The following PLAC1 variants were observed in gnomAD, a reference collection of about 807,000 sequenced individuals.
PLAC1 encodes the protein placenta-specific protein 1.
For missense variants in PLAC1, 136 were observed against 163.2 expected, an observed-to-expected ratio of 0.83 and a Z score of 0.91; for synonymous variants, 68 against 62.1, an observed-to-expected ratio of 1.09 and a Z score of -0.44.
At chrX:134,587,245 G>C (rs992825713) in intron 2 of PLAC1, among the ~76,000 whole-genome samples, 1 of 110,207 alleles carries the variant, frequency 9.1e-6, no homozygotes, top group African/African-American at 3.3e-5. Flanking sequence ...ACAGAAGTCA[G>C]ACATTTCCTT....
intron 2 of PLAC1, among the ~76,000 whole-genome samples, chrX:134,719,956 C>T (rs2078653076): frequency 8.9e-6 from 1 of 111,808 alleles, no homozygotes; most frequent in South Asian, 3.8e-4. Flanking sequence ...AGAATGTCCA[C>T]TCTTACCACT....
intron 1 of PLAC1, among the ~76,000 whole-genome samples, chrX:134,754,263 G>T (rs1385815095): frequency 8.9e-6 from 1 of 111,844 alleles, no homozygotes; most frequent in Non-Finnish European, 1.9e-5. Context: ...GCAGAATATT[G>T]TTTTATTGTA....
At chrX:134,580,839 A>G (rs1253723403) in intron 2 of PLAC1, among the ~76,000 whole-genome samples, 1 of 111,648 alleles carries the variant, frequency 9.0e-6, no homozygotes, top group Non-Finnish European at 1.9e-5. Context: ...CCAGAACACA[A>G]TGAACCTCGA....
chrX:134,652,921 G>A (rs895383917), intron 1 of PLAC1, among the ~76,000 whole-genome samples: 9 of 112,124 alleles, frequency 8.0e-5, no homozygotes, highest in African/African-American at 2.9e-4. Context: ...GAGGTCCGCG[G>A]CTGCTCTCTG....
intron 2 of PLAC1, among the ~76,000 whole-genome samples, chrX:134,580,000 C>T (rs1202896593): frequency 1.8e-5 from 2 of 112,155 alleles, no homozygotes; most frequent in East Asian, 2.8e-4. Flanking sequence ...TAATTTCCCA[C>T]GTGGCTACCT....
intron 2 of PLAC1, among the ~76,000 whole-genome samples, chrX:134,686,655 T>C (rs1245134436): frequency 2.7e-5 from 3 of 111,859 alleles, no homozygotes; most frequent in African/African-American, 9.7e-5. Flanking sequence ...CTTCAACCTC[T>C]TGTGAATCAT....
At position 134,677,620 on chromosome X, in the gene PLAC1, TAGTG is replaced by T. The variant is rs1190769151; in HGVS notation, n.174+55811_174+55814del. On this transcript the variant is annotated intron_variant and non_coding_transcript_variant, in intron 2 of 2. Coordinates refer to the PLAC1 transcript ENST00000466797. ...AAAGAAGGCCAGAGTGGCTGGAACG[TAGTG>T]AGTAAGGAGAGTGGTAGGGAATGGG... Among the ~76,000 whole-genome samples the T allele has an allele frequency of 7.2e-5, 8 of 110,607 alleles. No homozygotes were observed. In the South Asian group the frequency reaches 3.2e-3, roughly 44 times the overall value.
intron 2 of PLAC1, among the ~76,000 whole-genome samples, chrX:134,588,861 T>C (rs1352740756): frequency 1.8e-5 from 2 of 111,461 alleles, no homozygotes; most frequent in African/African-American, 6.5e-5. Context: ...AGGAGAGCAC[T>C]GGATACTGAA....
chrX:134,586,670 CTTT>C (rs765675891), intron 2 of PLAC1, among the ~76,000 whole-genome samples: 1 of 91,077 alleles, frequency 1.1e-5, no homozygotes, highest in Non-Finnish European at 2.2e-5. Flanking sequence ...TTTTTCTTTT[CTTT>C]TTTTTTTTTT....
chrX:134,603,995 CAGATTCACTAAA>C, intron 1 of PLAC1, among the ~76,000 whole-genome samples: 1 of 112,702 alleles, frequency 8.9e-6, no homozygotes, highest in South Asian at 3.6e-4. Flanking sequence ...AACCAAGACA[CAGATTCACTAAA>C]AGATTCACTT....
intron 1 of PLAC1, among the ~76,000 whole-genome samples, chrX:134,609,723 T>C (rs1240497661): frequency 9.0e-6 from 1 of 111,513 alleles, no homozygotes; most frequent in Non-Finnish European, 1.9e-5. Flanking sequence ...CACGTGGCCT[T>C]TCCTTGGTGC....
chrX:134,697,792 G>A lies in PLAC1; in HGVS notation n.174+35643C>T, dbSNP rs1045622125. The stretch of plus-strand genomic sequence containing the variant: ...CTGAGACAGGAGAATTGCTTGAACC[G>A]GGGCAGCAGAGGTTGCAGTGAGCAG... On this transcript the variant is annotated intron_variant and non_coding_transcript_variant, in intron 2 of 2. Transcript: ENST00000466797. 7.2e-5 allele frequency among the ~76,000 whole-genome samples: 8 copies of A among 111,592 alleles called. No homozygotes were observed. The East Asian group carries it at 8.5e-4, about 12-fold the overall frequency.
chrX:134,666,639 G>A (rs1344133837), intron 2 of PLAC1, among the ~76,000 whole-genome samples: 1 of 111,794 alleles, frequency 8.9e-6, no homozygotes, highest in Non-Finnish European at 1.9e-5. Context: ...TCCAGAGAAA[G>A]GAAGGTTGGT....
At chrX:134,715,286 G>T (rs1302856544) in intron 2 of PLAC1, among the ~76,000 whole-genome samples, 1 of 111,311 alleles carries the variant, frequency 9.0e-6, no homozygotes, top group Admixed American at 9.6e-5. Flanking sequence ...CCACTCTAGT[G>T]CCTACCCAAA....
intron 2 of PLAC1, 32 bp from the exon 3 acceptor site, chrX:134,566,772 A>C (rs1276121645): frequency 1.1e-5 from 8 of 722,237 alleles, no homozygotes; most frequent in Non-Finnish European, 1.6e-5. Flanking sequence ...GAGGCAAGTC[A>C]TCTTATTTTC....
intron 2 of PLAC1, among the ~76,000 whole-genome samples, chrX:134,731,896 C>T (rs980141979): frequency 8.9e-6 from 1 of 111,848 alleles, no homozygotes; most frequent in South Asian, 3.7e-4. Context: ...TGGCAAACAC[C>T]TGTAGTTCCA....
intron 1 of PLAC1, among the ~76,000 whole-genome samples, chrX:134,741,290 G>C (rs2078716348): frequency 8.9e-6 from 1 of 111,956 alleles, no homozygotes; most frequent in African/African-American, 3.2e-5. Context: ...AATCAAAAAA[G>C]TATACCCGTA....
intron 2 of PLAC1, among the ~76,000 whole-genome samples, chrX:134,677,055 CA>C (rs2078477801): frequency 8.9e-6 from 1 of 112,462 alleles, no homozygotes; most frequent in Non-Finnish European, 1.9e-5. Context: ...TGAACTTGTT[CA>C]AAATGTAGAT....
chrX:134,675,328 C>A (rs758622528), intron 2 of PLAC1, among the ~76,000 whole-genome samples: 2 of 112,729 alleles, frequency 1.8e-5, no homozygotes, highest in Admixed American at 9.3e-5. Context: ...TTTGTCCCCC[C>A]ACAGGCCTCC....
Sources: allele counts gnomAD v4.1 joint callset (sites outside exome capture counted in the v4.1 genomes callset), GRCh38; gene constraint gnomAD v4.1.1; transcripts MANE v1.5; gene names NCBI Gene and HGNC (gene_info 2026-07-23, HGNC 2026-07-21).